Variants in NAT1 observed in about 807,000 individuals in gnomAD.
NAT1 encodes N-acetyltransferase 1, also known as arylamine N-acetyltransferase 1.
For missense variants in NAT1, 400 were observed against 339.2 expected (o/e 1.18, Z -1.41); for synonymous variants, 144 against 122.6 (o/e 1.17, Z -1.16).
chr8:18,171,000 G>C (rs1254631681), intron 2 of NAT1, among the ~76,000 whole-genome samples: 1 of 152,026 alleles, frequency 6.6e-6, no homozygotes, highest in East Asian at 1.9e-4. Context: ...AATCAAATTG[G>C]ATTCAACAGT....
intron 1 of NAT1, among the ~76,000 whole-genome samples, chr8:18,213,017 G>T (rs1476143477): frequency 6.7e-6 from 1 of 149,266 alleles, no homozygotes; most frequent in Non-Finnish European, 1.5e-5. Context: ...TGATTCTCCT[G>T]CATTAGCCTC....
chr8:18,193,478 A>ATG, intron 2 of NAT1, among the ~76,000 whole-genome samples: 1 of 142,520 alleles, frequency 7.0e-6, no homozygotes, highest in South Asian at 2.2e-4. Flanking sequence ...TTATATATAT[A>ATG]TGTATATAAT....
At chr8:18,189,527 A>G (rs1465345389) in intron 2 of NAT1, among the ~76,000 whole-genome samples, 1 of 152,216 alleles carries the variant, frequency 6.6e-6, no homozygotes, top group East Asian at 1.9e-4. Flanking sequence ...ACTAGTAGGA[A>G]TATACTAAAG....
At chr8:18,185,219 A>T (rs1802687415) in intron 2 of NAT1, among the ~76,000 whole-genome samples, 4 of 152,136 alleles carry the variant, frequency 2.6e-5, no homozygotes, top group Admixed American at 6.6e-5. Flanking sequence ...TATTCTCTTG[A>T]AAAGTTTATA....
At chr8:18,206,438 T>C (rs1803723243), upstream of NAT1, among the ~76,000 whole-genome samples, 1 of 152,178 alleles carries the variant, frequency 6.6e-6, no homozygotes, top group South Asian at 2.1e-4. Context: ...AACTTCTTAC[T>C]GTTAATGTGG....
At chr8:18,214,654 C>T (rs1392983703) in intron 1 of NAT1, among the ~76,000 whole-genome samples, 1 of 152,076 alleles carries the variant, frequency 6.6e-6, no homozygotes, top group Non-Finnish European at 1.5e-5. Flanking sequence ...GCTTCAATTT[C>T]TTCATCATTT....
chr8:18,216,813 A>G (rs17126350), intron 1 of NAT1: 77,244 of 956,824 alleles, frequency 0.081, 4,031 homozygotes, highest in African/African-American at 0.21. Context: ...AAGGGTCTCA[A>G]TAGGATGTGG....
At chr8:18,201,012 G>C (rs1334041115) in intron 2 of NAT1, 1 of 152,188 alleles carries the variant, frequency 6.6e-6, no homozygotes, top group Non-Finnish European at 1.5e-5. Flanking sequence ...GGCTTTGCAG[G>C]CTGCGAAGGA....
intron 2 of NAT1, among the ~76,000 whole-genome samples, chr8:18,195,367 C>G (rs1433725939): frequency 6.6e-6 from 1 of 152,148 alleles, no homozygotes. Flanking sequence ...GAGCCTCATT[C>G]TAAAGTCAGA....
chr8:18,178,163 C>T (rs893779277), intron 2 of NAT1, among the ~76,000 whole-genome samples: 2 of 152,022 alleles, frequency 1.3e-5, no homozygotes, highest in African/African-American at 4.8e-5. Flanking sequence ...TAGAGGCAAA[C>T]TTAAGAGCAG....
At chr8:18,182,252 G>A (rs7012951) in intron 2 of NAT1, among the ~76,000 whole-genome samples, 42,313 of 151,934 alleles carry the variant, frequency 0.28, 7,143 homozygotes, top group African/African-American at 0.47. Flanking sequence ...ATTGACAGAA[G>A]GCCTGTTCAG....
intron 2 of NAT1, among the ~76,000 whole-genome samples, chr8:18,191,043 T>C (rs1470740296): frequency 6.7e-6 from 1 of 148,246 alleles, no homozygotes; most frequent in Non-Finnish European, 1.5e-5. Context: ...TTCTGCTGAG[T>C]GACAGAGCAA....
chr8:18,188,550 AGGCATGT>A (rs1441196397), intron 2 of NAT1, among the ~76,000 whole-genome samples: 1 of 152,170 alleles, frequency 6.6e-6, no homozygotes, highest in Non-Finnish European at 1.5e-5. Context: ...ATTGGGAAAT[AGGCATGT>A]GGCATTTGAT....
At chr8:18,208,445 T>C (rs2117317665), upstream of NAT1, among the ~76,000 whole-genome samples, 1 of 152,248 alleles carries the variant, frequency 6.6e-6, no homozygotes, top group Middle Eastern at 3.4e-3. Flanking sequence ...AGAATCAACA[T>C]ACAAAAATCA....
Position 18,222,615 on chromosome 8 carries a change from T to A in NAT1, c.568T>A (p.Tyr190Asn), listed in dbSNP as rs1017403408. Residue 190 changes from tyrosine to asparagine, a missense_variant, in exon 3 of 3, where the codon TAC becomes AAC. Tyr to Asn is a moderately radical substitution (Grantham distance 143). Transcript: ENST00000307719. Reference sequence around the variant, plus strand: ...AGAAGACAGCAAATACCGAAAAATCTACTCCTTTACTCTTAAGCCTCGAAC... The same window carrying A: ...AGAAGACAGCAAATACCGAAAAATCAACTCCTTTACTCTTAAGCCTCGAAC... ...LLEDSKYRKI[Y>N]SFTLKPRTIE... is the part of the protein sequence containing the mutation. The A allele has an allele frequency of 1.9e-6, 3 of 1,612,676 alleles. No individual in the cohort carries two copies. Among genetic ancestry groups the A allele is most frequent in the Admixed American group, 1.7e-5 (1 of 59,726 alleles).
At chr8:18,171,774 A>G (rs1802106221) in intron 2 of NAT1, among the ~76,000 whole-genome samples, 2 of 152,206 alleles carry the variant, frequency 1.3e-5, no homozygotes, top group Non-Finnish European at 2.9e-5. Flanking sequence ...GAAACGCAAC[A>G]AGGAGTATTT....
At chr8:18,201,651 G>A (rs1366106244) in intron 2 of NAT1, among the ~76,000 whole-genome samples, 1 of 152,252 alleles carries the variant, frequency 6.6e-6, no homozygotes, top group African/African-American at 2.4e-5. Flanking sequence ...TGACCAGCGT[G>A]GGCTGACTGG....
At chr8:18,190,575 T>C (rs1003149245) in intron 2 of NAT1, among the ~76,000 whole-genome samples, 1 of 152,174 alleles carries the variant, frequency 6.6e-6, no homozygotes, top group Admixed American at 6.5e-5. Flanking sequence ...TGCTTTCCTC[T>C]TTCAGCTGTG....
intron 2 of NAT1, among the ~76,000 whole-genome samples, chr8:18,197,707 T>G (rs1167832958): frequency 6.6e-6 from 1 of 152,176 alleles, no homozygotes; most frequent in Non-Finnish European, 1.5e-5. Context: ...AACCTCATTT[T>G]ATTCAGGGAA....
Sources: gnomAD v4.1 joint callset for allele counts (sites outside exome capture counted in the v4.1 genomes callset) on GRCh38, gnomAD v4.1.1 for gene constraint, MANE v1.5 for transcripts, NCBI Gene and HGNC (gene_info 2026-07-23, HGNC 2026-07-21) for gene names.